Variants in EFCAB8 observed in about 807,000 individuals in gnomAD.
EFCAB8 encodes the protein EF-hand calcium binding domain 8.
EFCAB8 carries 100 observed loss-of-function variants against 116.3 expected under a neutral mutation model. The ratio of observed to expected loss-of-function variants is 0.86; its 90% CI spans 0.73 to 1.02. The LOEUF (loss-of-function observed/expected upper bound fraction) is 1.02. Among genes scored for constraint, EFCAB8 ranks in the 50% least tolerant of loss-of-function variants. EFCAB8 has a pLI of 0.00. For missense variants in EFCAB8, 1,320 were observed against 1,416.9 expected (o/e 0.93, Z 1.10); for synonymous variants, 558 against 567.9 (o/e 0.98, Z 0.25).
chr20:32,879,681 G>A (rs1267792014), intron 5 of EFCAB8, among the ~76,000 whole-genome samples: 1 of 152,168 alleles, frequency 6.6e-6, no homozygotes, highest in African/African-American at 2.4e-5. Context: ...GATGAGCCAA[G>A]CGTAATACAT....
At chr20:32,935,624 AG>A (rs904515288) in intron 22 of EFCAB8, among the ~76,000 whole-genome samples, 127 of 152,244 alleles carry the variant, frequency 8.3e-4, no homozygotes, top group Middle Eastern at 3.4e-3. Flanking sequence ...CTCCTGCCTC[AG>A]CCTCCCAAGT....
In EFCAB8 at chr20:32,876,035, T is replaced by C. The variant is rs1356841327; in HGVS notation, c.318T>C (p.Phe106=). 6.4e-7 allele frequency: 1 copy of C among 1,552,018 alleles called. No homozygotes were observed. The highest frequency in any genetic ancestry group is 2.4e-5 in the East Asian group (1 of 40,916). The part of the protein sequence containing the change: ...FLKVDSDCEG[F]VTWQKYVDYM... Reference sequence around the variant, plus strand: ...AGGTGGACTCGGACTGTGAAGGCTTTGTCACCTGGGTGAGGAGGGTGCCCC... The same window carrying C: ...AGGTGGACTCGGACTGTGAAGGCTTCGTCACCTGGGTGAGGAGGGTGCCCC... Residue 106 remains phenylalanine, a synonymous_variant, in exon 4 of 27, where the codon TTT becomes TTC. Coordinates refer to ENST00000400522, the MANE Select transcript of EFCAB8 (RefSeq NM_001143967.2).
intron 1 of EFCAB8, among the ~76,000 whole-genome samples, chr20:32,863,457 T>C (rs1250024021): frequency 1.3e-5 from 2 of 152,164 alleles, no homozygotes; most frequent in African/African-American, 4.8e-5. Flanking sequence ...TCTACTTCTG[T>C]AGAAAGTGTG....
In EFCAB8 at chr20:32,920,072, T is replaced by G. The variant is rs186307520; in HGVS notation, c.2275-6T>G. On this transcript the variant is annotated splice_polypyrimidine_tract_variant and splice_region_variant and intron_variant, in intron 19 of 26. Coordinates refer to ENST00000400522, the MANE Select transcript of EFCAB8 (RefSeq NM_001143967.2). ...TGGTGACTTGGGTGCCCATCTTTCTTTCCAGAAACCTTCCAGTGCTTCTGG... is the reference window on the plus strand; with the variant it reads ...TGGTGACTTGGGTGCCCATCTTTCTGTCCAGAAACCTTCCAGTGCTTCTGG... The G allele has an allele frequency of 6.4e-7, 1 of 1,551,700 alleles. No homozygotes were observed. Among genetic ancestry groups the G allele is most frequent in the East Asian group, 2.4e-5 (1 of 40,932 alleles).
At chr20:32,906,003 T>C (rs1419110172) in intron 11 of EFCAB8, among the ~76,000 whole-genome samples, 1 of 152,116 alleles carries the variant, frequency 6.6e-6, no homozygotes, top group African/African-American at 2.4e-5. Context: ...CTTTTCCTTT[T>C]GGTGTCTCTA....
At chr20:32,902,137 A>G (rs1293304080) in intron 11 of EFCAB8, among the ~76,000 whole-genome samples, 1 of 152,204 alleles carries the variant, frequency 6.6e-6, no homozygotes, top group African/African-American at 2.4e-5. Context: ...GTATCTTCTT[A>G]CAATATTTGG....
intron 23 of EFCAB8, among the ~76,000 whole-genome samples, chr20:32,952,455 A>C (rs1206610286): frequency 2.6e-5 from 4 of 152,154 alleles, no homozygotes. Flanking sequence ...ACAAAATTTA[A>C]ATTTTGCATG....
Position 32,960,103 on chromosome 20 carries a change from G to A in EFCAB8, c.3335G>A (p.Arg1112His), listed in dbSNP as rs967324783. 21 of 1,551,712 alleles carry A rather than the reference G, an allele frequency of 1.4e-5. No individual in the cohort carries two copies. The highest frequency in any genetic ancestry group is 9.8e-5 in the Admixed American group (5 of 51,010). The change falls in exon 26 of 27, where the codon CGC (arginine) becomes CAC (histidine). Residue 1112 changes from arginine to histidine, a missense_variant. Transcript: ENST00000400522. ...GGAGCGGCGTATAAGCCCAAGGAACGCTTGCAGAATACCAGGTTCCTGTCC... is the reference window on the plus strand; with the variant it reads ...GGAGCGGCGTATAAGCCCAAGGAACACTTGCAGAATACCAGGTTCCTGTCC... ...VLGAAYKPKE[R>H]LQNTRFLSTR...
At chr20:32,943,393 T>A (rs1988465053) in intron 22 of EFCAB8, among the ~76,000 whole-genome samples, 1 of 152,212 alleles carries the variant, frequency 6.6e-6, no homozygotes, top group Admixed American at 6.5e-5. Context: ...CTTGGTGAAT[T>A]TTGAGAAAGT....
chr20:32,886,781 C>A (rs1165769478), intron 6 of EFCAB8, among the ~76,000 whole-genome samples: 1 of 152,194 alleles, frequency 6.6e-6, no homozygotes, highest in Non-Finnish European at 1.5e-5. Flanking sequence ...GCGCAGCAGG[C>A]CTGGATTCTT....
Position 32,961,604 on chromosome 20 carries a change from T to A in EFCAB8, c.3862T>A (p.Phe1288Ile). ...TGTGAAGGGGAGCTCCCATGTCAGGTTCTGAGGTGCTCCGCTGTCTTCTCT... is the reference window on the plus strand; with the variant it reads ...TGTGAAGGGGAGCTCCCATGTCAGGATCTGAGGTGCTCCGCTGTCTTCTCT... The part of the protein sequence containing the change: ...SSVKGSSHVR[F>I] Residue 1288 changes from phenylalanine to isoleucine, a missense_variant, in exon 27 of 27, where the codon TTC becomes ATC. Transcript: ENST00000400522. 7.5e-7 allele frequency: 1 copy of A among 1,331,342 alleles called. No individual in the cohort carries two copies. The highest frequency in any genetic ancestry group is 9.6e-7 in the Non-Finnish European group (1 of 1,040,604). 82.5% of individuals were successfully genotyped at this position (1,331,342 alleles called of 1,614,324 possible).
At chr20:32,890,250 C>A (rs567569270) in intron 7 of EFCAB8, among the ~76,000 whole-genome samples, 84 of 143,922 alleles carry the variant, frequency 5.8e-4, no homozygotes, top group Non-Finnish European at 3.8e-4. Flanking sequence ...GGTGCTGTGG[C>A]CTGGGTCTCT....
intron 6 of EFCAB8, among the ~76,000 whole-genome samples, chr20:32,886,639 C>T (rs563612777): frequency 1.1e-4 from 16 of 152,156 alleles, no homozygotes; most frequent in African/African-American, 3.9e-4. Flanking sequence ...GCTTCCATAG[C>T]CATCCACCTT....
intron 4 of EFCAB8, among the ~76,000 whole-genome samples, chr20:32,877,978 G>C (rs936540056): frequency 6.6e-6 from 1 of 152,118 alleles, no homozygotes; most frequent in Non-Finnish European, 1.5e-5. Flanking sequence ...CCATACTCAG[G>C]ATTCAAGAAC....
chr20:32,867,401 A>T (rs909152219), intron 2 of EFCAB8, among the ~76,000 whole-genome samples, 181 bp from the exon 3 acceptor site: 1 of 152,224 alleles, frequency 6.6e-6, no homozygotes, highest in East Asian at 1.9e-4. Context: ...GGAAGAGTCT[A>T]GGTTTTTCTT....
rs1053398388 is a variant in EFCAB8 at position 32,885,621 on chromosome 20, C to T, written c.548C>T (p.Ser183Leu). The change falls in exon 6 of 27, where the codon TCG becomes TTG. Residue 183 changes from serine (S) to leucine (L), a missense_variant. Coordinates refer to ENST00000400522, the MANE Select transcript of EFCAB8 (RefSeq NM_001143967.2). ...GILQFWSESF[S>L]LMSSFRLNQT... Reference sequence around the variant, plus strand: ...CTGCAGTTCTGGTCTGAGTCCTTCTCGCTGATGAGCTCCTTTAGGGTGAGT... The same window carrying T: ...CTGCAGTTCTGGTCTGAGTCCTTCTTGCTGATGAGCTCCTTTAGGGTGAGT... 5 of 1,551,762 alleles carry T rather than the reference C, an allele frequency of 3.2e-6. No individual in the cohort carries two copies. Among genetic ancestry groups the T allele is most frequent in the Admixed American group, 2.0e-5 (1 of 50,998 alleles).
intron 7 of EFCAB8, 59 bp from the exon 8 acceptor site, chr20:32,892,154 G>A (rs1024413527): frequency 1.4e-6 from 2 of 1,452,702 alleles, no homozygotes; most frequent in African/African-American, 2.8e-5. Context: ...TGCTCACTGT[G>A]ACTGAAGACC....
At chr20:32,921,831 C>CTTTTTTTTTTTTTT (rs11483441) in intron 20 of EFCAB8, among the ~76,000 whole-genome samples, 6 of 130,220 alleles carry the variant, frequency 4.6e-5, no homozygotes, top group African/African-American at 1.4e-4. Context: ...TTACCTTATT[C>CTTTTTTTTTTTTTT]TTTTTTTTTT....
intron 14 of EFCAB8, among the ~76,000 whole-genome samples, chr20:32,909,321 AC>A (rs971159108): frequency 6.6e-6 from 1 of 151,768 alleles, no homozygotes; most frequent in Admixed American, 6.6e-5. Flanking sequence ...AACCTTATCA[AC>A]CCCCTGCCTT....
Sources: gnomAD v4.1 joint callset for allele counts (sites outside exome capture counted in the v4.1 genomes callset) on GRCh38, gnomAD v4.1.1 for gene constraint, MANE v1.5 for transcripts, NCBI Gene and HGNC (gene_info 2026-07-23, HGNC 2026-07-21) for gene names.